PRKCA: variants seen among roughly 807,000 people sequenced by gnomAD.
PRKCA encodes the protein protein kinase C alpha type.
A neutral mutation model predicts 87.0 loss-of-function variants in PRKCA; 27 were observed. The observed-to-expected ratio is 0.31, with a 90% CI of 0.23 to 0.43. PRKCA has a LOEUF of 0.43. PRKCA is among the 20% of genes least tolerant of loss of function. The probability of loss-of-function intolerance (pLI) is 1.00; values close to 1 mark genes in which losing one functional copy is unlikely to be tolerated. For missense variants in PRKCA, 518 were observed against 852.3 expected, an observed-to-expected ratio of 0.61 and a Z score of 4.88; for synonymous variants, 329 against 311.1, an observed-to-expected ratio of 1.06 and a Z score of -0.61.
chr17:66,574,495 C>T (rs796278943), intron 3 of PRKCA, among the ~76,000 whole-genome samples: 3 of 152,138 alleles, frequency 2.0e-5, no homozygotes, highest in African/African-American at 4.8e-5. Context: ...GGAGAAACAG[C>T]GCAGTTGTCA....
intron 3 of PRKCA, among the ~76,000 whole-genome samples, chr17:66,506,984 T>A (rs946840633): frequency 6.6e-6 from 1 of 152,212 alleles, no homozygotes; most frequent in Non-Finnish European, 1.5e-5. Context: ...AGTTGGAAGA[T>A]CCACGGCACA....
chr17:66,775,894 C>G (rs1251995344), intron 14 of PRKCA: 1 of 377,540 alleles, frequency 2.6e-6, no homozygotes, highest in Admixed American at 6.4e-5. Flanking sequence ...ATGTATAACA[C>G]AGCAGAGGTA....
intron 3 of PRKCA, among the ~76,000 whole-genome samples, chr17:66,522,474 T>A (rs1251550495): frequency 6.6e-6 from 1 of 152,106 alleles, no homozygotes; most frequent in African/African-American, 2.4e-5. Context: ...TAGGAGCACC[T>A]TGAGCGAAGT....
At chr17:66,396,538 G>A (rs1044038855) in intron 2 of PRKCA, among the ~76,000 whole-genome samples, 1 of 150,668 alleles carries the variant, frequency 6.6e-6, no homozygotes, top group African/African-American at 2.4e-5. Context: ...CTTGTCATGT[G>A]TATTTTCACA....
chr17:66,332,943 G>A (rs1906441201), intron 2 of PRKCA, among the ~76,000 whole-genome samples: 1 of 152,116 alleles, frequency 6.6e-6, no homozygotes, highest in Non-Finnish European at 1.5e-5. Flanking sequence ...CACCCGCCTT[G>A]GCCTCCCGAA....
chr17:66,547,126 TTCTCACTTAGGTATCGTGTTTATGTC>T (rs1968166735), intron 3 of PRKCA, among the ~76,000 whole-genome samples: 4 of 152,210 alleles, frequency 2.6e-5, no homozygotes, highest in Admixed American at 2.6e-4. Context: ...CTACCTTCCT[TTCTCACTTAGGTATCGTGTTTATGTC>T]TCCAGATATG....
At chr17:66,677,817 G>A (rs540676332) in intron 5 of PRKCA, among the ~76,000 whole-genome samples, 4 of 152,200 alleles carry the variant, frequency 2.6e-5, no homozygotes, top group Non-Finnish European at 5.9e-5. Context: ...GTCAGTAAAG[G>A]CCTCTTTGTT....
At chr17:66,642,986 G>C (rs1340834459) in intron 4 of PRKCA, among the ~76,000 whole-genome samples, 1 of 152,116 alleles carries the variant, frequency 6.6e-6, no homozygotes, top group Non-Finnish European at 1.5e-5. Flanking sequence ...GTTGCTGTGA[G>C]CCAAGATTGT....
chr17:66,312,343 GGAT>G (rs1259234771), intron 2 of PRKCA, among the ~76,000 whole-genome samples: 3 of 152,170 alleles, frequency 2.0e-5, no homozygotes, highest in Admixed American at 6.6e-5. Context: ...TCACTCTCCT[GGAT>G]GATACTATTG....
At chr17:66,388,593 C>T (rs958899554) in intron 2 of PRKCA, among the ~76,000 whole-genome samples, 2 of 152,178 alleles carry the variant, frequency 1.3e-5, no homozygotes, top group African/African-American at 2.4e-5. Context: ...CTGTGCCCAG[C>T]CGATACTTAG....
chr17:66,683,866 T>C (rs1329076841), intron 5 of PRKCA, among the ~76,000 whole-genome samples: 1 of 152,154 alleles, frequency 6.6e-6, no homozygotes, highest in East Asian at 1.9e-4. Context: ...TCCCAAAGTG[T>C]TGGGATTTGA....
chr17:66,560,204 C>T (rs1968635966), intron 3 of PRKCA, among the ~76,000 whole-genome samples: 1 of 151,420 alleles, frequency 6.6e-6, no homozygotes, highest in African/African-American at 2.4e-5. Flanking sequence ...TTGTATTTCA[C>T]GTGCTGAGGA....
At chr17:66,640,217 G>A (rs1025470441) in intron 3 of PRKCA, among the ~76,000 whole-genome samples, 4 of 152,046 alleles carry the variant, frequency 2.6e-5, no homozygotes, top group South Asian at 2.1e-4. Flanking sequence ...TAAGTAATTC[G>A]TCCAAGGCCA....
chr17:66,681,775 G>GTGAC (rs1972501496), intron 5 of PRKCA, among the ~76,000 whole-genome samples: 1 of 152,278 alleles, frequency 6.6e-6, no homozygotes, highest in African/African-American at 2.4e-5. Flanking sequence ...ACCACCTGCA[G>GTGAC]CACCCATTCA....
chr17:66,624,324 G>A (rs1273375241), intron 3 of PRKCA, among the ~76,000 whole-genome samples: 2 of 151,942 alleles, frequency 1.3e-5, no homozygotes, highest in Non-Finnish European at 2.9e-5. Flanking sequence ...GTTTCATCTT[G>A]GCCAGTTATC....
intron 3 of PRKCA, among the ~76,000 whole-genome samples, chr17:66,518,269 A>G (rs1339990053): frequency 6.6e-6 from 1 of 152,196 alleles, no homozygotes; most frequent in African/African-American, 2.4e-5. Context: ...CACAGTAGAA[A>G]GGAAAATGTG....
chr17:66,472,265 C>G (rs1193974399), intron 2 of PRKCA, among the ~76,000 whole-genome samples: 1 of 152,196 alleles, frequency 6.6e-6, no homozygotes, highest in Non-Finnish European at 1.5e-5. Flanking sequence ...ACCAATGAGG[C>G]AACCTCCATG....
chr17:66,799,775 T>C (rs571392175), intron 16 of PRKCA, among the ~76,000 whole-genome samples: 129 of 151,902 alleles, frequency 8.5e-4, no homozygotes, highest in Non-Finnish European at 1.5e-3. Context: ...TTATAGTAGA[T>C]TGTCTATTTC....
chr17:66,680,664 G>A (rs1008559913), intron 5 of PRKCA, among the ~76,000 whole-genome samples: 1 of 152,184 alleles, frequency 6.6e-6, no homozygotes, highest in Non-Finnish European at 1.5e-5. Flanking sequence ...CAGGGATACA[G>A]CTGTGTCCTC....
Sources: allele counts gnomAD v4.1 joint callset (sites outside exome capture counted in the v4.1 genomes callset), GRCh38; gene constraint gnomAD v4.1.1; transcripts MANE v1.5; gene names NCBI Gene and HGNC (gene_info 2026-07-23, HGNC 2026-07-21).